The following DDX4 variants were observed in gnomAD, a reference collection of about 807,000 sequenced individuals.
DDX4 encodes probable ATP-dependent RNA helicase DDX4.
In DDX4, 25 loss-of-function variants were observed where a neutral mutation model predicts 100.0. The observed-to-expected ratio is 0.25, with a 90% CI of 0.18 to 0.35. The LOEUF (loss-of-function observed/expected upper bound fraction) is 0.35. Ranked by LOEUF, DDX4 falls within the 10% of genes least tolerant of loss-of-function variation. DDX4 has a pLI of 1.00. For missense variants in DDX4, 635 were observed against 882.4 expected (o/e 0.72, Z 3.55); for synonymous variants, 259 against 275.7 (o/e 0.94, Z 0.60).
At chr5:55,813,871 G>T (rs1052343624) in intron 19 of DDX4, 99 bp downstream of exon 19, 2 of 1,312,790 alleles carry the variant, frequency 1.5e-6, no homozygotes, top group Admixed American at 3.1e-5. Context: ...TCCTAGGATT[G>T]GGATTCAGAA....
At chr5:55,755,512 A>G (rs1041332177) in intron 3 of DDX4, among the ~76,000 whole-genome samples, 10 of 152,180 alleles carry the variant, frequency 6.6e-5, no homozygotes, top group African/African-American at 2.4e-4. Flanking sequence ...TTATTGTACT[A>G]TTGGATGAAA....
intron 2 of DDX4, among the ~76,000 whole-genome samples, chr5:55,745,081 T>C (rs1320563400): frequency 6.6e-6 from 1 of 152,140 alleles, no homozygotes; most frequent in Non-Finnish European, 1.5e-5. Context: ...GGTTTCTCCA[T>C]GTTGGTCAGG....
intron 3 of DDX4, among the ~76,000 whole-genome samples, chr5:55,750,905 C>T (rs1163961529): frequency 6.6e-6 from 1 of 152,084 alleles, no homozygotes; most frequent in African/African-American, 2.4e-5. Context: ...TTTATCTACT[C>T]CCATTCTTCC....
At chr5:55,813,181 G>A (rs922804318) in intron 18 of DDX4, among the ~76,000 whole-genome samples, 1 of 151,990 alleles carries the variant, frequency 6.6e-6, no homozygotes, top group Non-Finnish European at 1.5e-5. Flanking sequence ...GGAATGAAGG[G>A]ATTTGAATTA....
intron 7 of DDX4, among the ~76,000 whole-genome samples, chr5:55,768,784 G>A (rs1297804563): frequency 6.6e-6 from 1 of 152,134 alleles, no homozygotes; most frequent in Non-Finnish European, 1.5e-5. Context: ...AAGCTTGCCA[G>A]CATCTGTTAT....
At chr5:55,739,575 T>C (rs1307459456) in intron 2 of DDX4, among the ~76,000 whole-genome samples, 1 of 152,192 alleles carries the variant, frequency 6.6e-6, no homozygotes, top group Non-Finnish European at 1.5e-5. Context: ...GGAAATTGGC[T>C]TTAAAAAGAT....
rs193155356 is a variant in DDX4, at chr5:55,782,101, T to C, written c.625+120T>C. 2.6e-4 allele frequency: 301 copies of C among 1,155,518 alleles called. No individual in the cohort carries two copies. The African/African-American group carries it at 2.7e-3, about 10-fold the overall frequency. The allele number at this position is 1,155,518 out of a possible 1,614,324, so 71.6% of individuals were successfully genotyped here. A position where few individuals can be genotyped will look rare whatever the true frequency, so the allele number is the denominator to read the frequency against. ...TTTTTGAAGTTAAAGGTAACTGTTA[T>C]TGCTTTTATACACTGTGAGGACCAT... On this transcript the variant is annotated intron_variant, in intron 10 of 21. Coordinates refer to ENST00000505374, the MANE Select transcript of DDX4 (RefSeq NM_024415.3).
intron 18 of DDX4, among the ~76,000 whole-genome samples, chr5:55,809,931 A>T (rs1744016716): frequency 6.6e-6 from 1 of 152,332 alleles, no homozygotes; most frequent in South Asian, 2.1e-4. Context: ...AACTCTATAG[A>T]ATTACTTTAT....
chr5:55,776,137 A>ATTTC (rs1425214740), intron 7 of DDX4, among the ~76,000 whole-genome samples: 76 of 152,336 alleles, frequency 5.0e-4, no homozygotes, highest in Non-Finnish European at 9.1e-4. Flanking sequence ...AAAAAACAAG[A>ATTTC]AAAGGACTCA....
intron 18 of DDX4, among the ~76,000 whole-genome samples, chr5:55,810,261 C>T (rs1477170043): frequency 1.3e-5 from 2 of 152,072 alleles, no homozygotes; most frequent in Non-Finnish European, 2.9e-5. Context: ...CCTGCCATCA[C>T]GCCTGGCTAA....
Position 55,758,390 on chromosome 5 carries a change from A to G in DDX4, c.128-1810A>G, listed in dbSNP as rs1760075845. ...GTTTATAATTTTCTTCTGAACTTTC[A>G]TATCAAGGTTATGTTGGTCTGTAGA... On this transcript the variant is annotated intron_variant, in intron 3 of 21. Transcript: ENST00000505374. 2.6e-5 allele frequency among the ~76,000 whole-genome samples: 4 copies of G among 152,136 alleles called. No homozygotes were observed. In the South Asian group the frequency reaches 8.3e-4, roughly 32 times the overall value.
At chr5:55,740,708 CAG>C (rs1339745198) in intron 2 of DDX4, among the ~76,000 whole-genome samples, 1 of 140,036 alleles carries the variant, frequency 7.1e-6, no homozygotes, top group Admixed American at 7.4e-5. Flanking sequence ...TTAGTAGACA[CAG>C]GGTTTCACTA....
chr5:55,779,931 T>A (rs1741803490), intron 7 of DDX4, 33 bp from the exon 8 acceptor site: 1 of 1,595,158 alleles, frequency 6.3e-7, no homozygotes, highest in Admixed American at 1.8e-5. Flanking sequence ...GTTGTTGTTT[T>A]GTGTTGTTCT....
At chr5:55,760,666 C>T (rs894520006) in intron 4 of DDX4, among the ~76,000 whole-genome samples, 1 of 151,984 alleles carries the variant, frequency 6.6e-6, no homozygotes, top group Admixed American at 6.6e-5. Flanking sequence ...CAAGAAAAGG[C>T]AGTATAGGAA....
intron 16 of DDX4, among the ~76,000 whole-genome samples, 153 bp downstream of exon 16, chr5:55,790,858 T>C (rs575559749): frequency 2.6e-5 from 4 of 152,230 alleles, no homozygotes; most frequent in Non-Finnish European, 5.9e-5. Flanking sequence ...TATATAATTC[T>C]CAAGATAATC....
At chr5:55,805,956 G>A (rs182095194) in intron 18 of DDX4, among the ~76,000 whole-genome samples, 9,953 of 152,144 alleles carry the variant, frequency 0.065, 461 homozygotes, top group Non-Finnish European at 0.1. Context: ...TCTGGTCCTG[G>A]ACTTTTTTTG....
intron 17 of DDX4, among the ~76,000 whole-genome samples, chr5:55,794,997 C>T (rs1451678848): frequency 6.7e-6 from 1 of 148,582 alleles, no homozygotes; most frequent in Non-Finnish European, 1.5e-5. Flanking sequence ...CAGAGTTTCG[C>T]TCTTGTTGCC....
At chr5:55,749,085 T>G (rs1314525439) in intron 3 of DDX4, among the ~76,000 whole-genome samples, 2 of 152,230 alleles carry the variant, frequency 1.3e-5, no homozygotes, top group African/African-American at 2.4e-5. Context: ...TCTGATTATT[T>G]CCAAAATTAA....
chr5:55,803,516 C>T (rs532825431), intron 18 of DDX4, among the ~76,000 whole-genome samples: 100 of 133,216 alleles, frequency 7.5e-4, no homozygotes, highest in African/African-American at 2.8e-3. Flanking sequence ...TGATGTTCCC[C>T]TTCCTGTGTC....
Sources: allele counts gnomAD v4.1 joint callset (sites outside exome capture counted in the v4.1 genomes callset), GRCh38; gene constraint gnomAD v4.1.1; transcripts MANE v1.5; gene names NCBI Gene and HGNC (gene_info 2026-07-23, HGNC 2026-07-21).